Variants in RPSA2 observed in about 807,000 individuals in gnomAD.
RPSA2 encodes the protein ribosomal protein SA 2, also known as small ribosomal subunit protein uS2B.
the RPSA2 span, among the ~76,000 whole-genome samples, chr19:23,800,759 A>G: frequency 8.4e-4 from 128 of 152,168 alleles, 1 homozygote; most frequent in Non-Finnish European, 1.2e-3. Flanking sequence ...GATTACAGGC[A>G]TGCACCACCA....
the RPSA2 span, among the ~76,000 whole-genome samples, chr19:23,844,323 C>T: frequency 6.6e-6 from 1 of 151,988 alleles, no homozygotes; most frequent in Non-Finnish European, 1.5e-5. Flanking sequence ...GTATGGTTTG[C>T]TATTGTGAGC....
At chr19:23,788,591 C>G in the RPSA2 span, among the ~76,000 whole-genome samples, 1 of 152,064 alleles carries the variant, frequency 6.6e-6, no homozygotes, top group Non-Finnish European at 1.5e-5. Flanking sequence ...TATGAAATAC[C>G]TTTTCATTCA....
the RPSA2 span, among the ~76,000 whole-genome samples, chr19:23,780,897 T>G: frequency 6.6e-6 from 1 of 152,200 alleles, no homozygotes. Context: ...ACAGCCTACT[T>G]TTGAGGTTCT....
the RPSA2 span, among the ~76,000 whole-genome samples, chr19:23,855,524 G>T: frequency 6.6e-6 from 1 of 152,186 alleles, no homozygotes; most frequent in Admixed American, 6.5e-5. Context: ...TAATCCACTT[G>T]TTTGTTTGTT....
At chr19:23,813,109 C>G in the RPSA2 span, among the ~76,000 whole-genome samples, 4 of 151,466 alleles carry the variant, frequency 2.6e-5, no homozygotes, top group Non-Finnish European at 5.9e-5. Context: ...GTTGTGTGTA[C>G]CTGTGGTCTC....
At chr19:23,806,601 C>T in the RPSA2 span, among the ~76,000 whole-genome samples, 1 of 151,510 alleles carries the variant, frequency 6.6e-6, no homozygotes, top group Non-Finnish European at 1.5e-5. Flanking sequence ...CTGGCTACCA[C>T]GGTGAAACCC....
the RPSA2 span, among the ~76,000 whole-genome samples, chr19:23,816,147 A>G: frequency 3.3e-5 from 5 of 151,404 alleles, no homozygotes; most frequent in Non-Finnish European, 5.9e-5. Flanking sequence ...TTATTCATTT[A>G]TTTTTGAGAT....
the RPSA2 span, chr19:23,833,036 A>T: frequency 2.2e-6 from 3 of 1,375,662 alleles, no homozygotes; most frequent in Non-Finnish European, 2.9e-6. Flanking sequence ...AAGAGAATTC[A>T]TACTGGAAAG....
At chr19:23,847,007 C>G in the RPSA2 span, among the ~76,000 whole-genome samples, 39 of 151,984 alleles carry the variant, frequency 2.6e-4, no homozygotes, top group Non-Finnish European at 1.0e-4. Flanking sequence ...TTTGTTTAGT[C>G]ACTTTATGTA....
chr19:23,768,578 C>CTT, the RPSA2 span, among the ~76,000 whole-genome samples: 5 of 9,622 alleles, frequency 5.2e-4, no homozygotes, highest in Non-Finnish European at 5.1e-4. Context: ...GATATTTAAG[C>CTT]TTTTTTTTTT....
At chr19:23,842,037 A>G in the RPSA2 span, among the ~76,000 whole-genome samples, 3 of 152,188 alleles carry the variant, frequency 2.0e-5, no homozygotes, top group African/African-American at 7.2e-5. Flanking sequence ...CAGTTACTAG[A>G]TGTTTTACAA....
the RPSA2 span, among the ~76,000 whole-genome samples, chr19:23,853,432 A>G: frequency 6.6e-6 from 1 of 152,248 alleles, no homozygotes; most frequent in Non-Finnish European, 1.5e-5. Flanking sequence ...GTAACTATTC[A>G]GAAACCAATT....
At chr19:23,781,031 G>A in the RPSA2 span, among the ~76,000 whole-genome samples, 122 of 152,322 alleles carry the variant, frequency 8.0e-4, no homozygotes, top group African/African-American at 2.9e-3. Flanking sequence ...CTGGAGTGCA[G>A]TGGCATGATC....
chr19:23,836,536 T>C, the RPSA2 span, among the ~76,000 whole-genome samples: 1 of 152,196 alleles, frequency 6.6e-6, no homozygotes, highest in Non-Finnish European at 1.5e-5. Flanking sequence ...AGATACCCAG[T>C]AGTGGGATTG....
the RPSA2 span, among the ~76,000 whole-genome samples, chr19:23,846,378 T>C: frequency 0.11 from 16,052 of 152,208 alleles, 1,018 homozygotes; most frequent in Non-Finnish European, 0.14. Flanking sequence ...TTTTATTTTT[T>C]CTTTTTATCT....
the RPSA2 span, among the ~76,000 whole-genome samples, chr19:23,795,894 C>T: frequency 6.6e-6 from 1 of 152,136 alleles, no homozygotes; most frequent in Non-Finnish European, 1.5e-5. Context: ...CTTTCCACAG[C>T]CTGTAAAGTA....
At chr19:23,839,078 A>G in the RPSA2 span, among the ~76,000 whole-genome samples, 1 of 152,112 alleles carries the variant, frequency 6.6e-6, no homozygotes, top group Non-Finnish European at 1.5e-5. Flanking sequence ...ATTTAGGGCT[A>G]TGAACTTTCC....
At chr19:23,766,504 G>T in the RPSA2 span, among the ~76,000 whole-genome samples, 67 of 149,336 alleles carry the variant, frequency 4.5e-4, no homozygotes, top group African/African-American at 1.3e-3. Context: ...CAGGCTGGAG[G>T]GCAGTGGCGC....
chr19:23,852,770 G>A, the RPSA2 span, among the ~76,000 whole-genome samples: 1 of 152,194 alleles, frequency 6.6e-6, no homozygotes. Flanking sequence ...CAGATTTTGG[G>A]GGGCTTGCTC....
Sources: allele counts gnomAD v4.1 joint callset (sites outside exome capture counted in the v4.1 genomes callset), GRCh38; gene constraint gnomAD v4.1.1; transcripts MANE v1.5; gene names NCBI Gene and HGNC (gene_info 2026-07-23, HGNC 2026-07-21).